The following CNTNAP2 variants were observed in gnomAD, a reference collection of about 807,000 sequenced individuals.
CNTNAP2 encodes contactin associated protein 2.
CNTNAP2 carries 98 observed loss-of-function variants against 155.2 expected under a neutral mutation model. That is an observed-to-expected ratio of 0.63 (90% CI 0.54 to 0.75). The LOEUF (loss-of-function observed/expected upper bound fraction) is 0.75, where lower values mean the gene tolerates loss of function less well. CNTNAP2 is among the 30% of genes least tolerant of loss of function. CNTNAP2 has a pLI of 0.00. For missense variants in CNTNAP2, 1,727 were observed against 1,688.1 expected, an observed-to-expected ratio of 1.02 and a Z score of -0.40; for synonymous variants, 651 against 631.2, an observed-to-expected ratio of 1.03 and a Z score of -0.47.
intron 1 of CNTNAP2, among the ~76,000 whole-genome samples, chr7:146,220,522 A>C (rs1799189919): frequency 6.6e-6 from 1 of 152,194 alleles, no homozygotes; most frequent in African/African-American, 2.4e-5. Flanking sequence ...AAATTGTACT[A>C]GTATAGAAAG....
intron 12 of CNTNAP2, among the ~76,000 whole-genome samples, chr7:147,607,929 G>T (rs1305309688): frequency 6.6e-6 from 1 of 152,060 alleles, no homozygotes; most frequent in Non-Finnish European, 1.5e-5. Flanking sequence ...TTATTTATAT[G>T]CTGCCTCTCA....
At chr7:147,061,274 T>A (rs570558085) in intron 4 of CNTNAP2, among the ~76,000 whole-genome samples, 1 of 152,164 alleles carries the variant, frequency 6.6e-6, no homozygotes, top group South Asian at 2.1e-4. Flanking sequence ...TCATGTGTTT[T>A]TACCATTGTA....
chr7:148,066,029 C>G (rs889723416), intron 15 of CNTNAP2, among the ~76,000 whole-genome samples: 2 of 152,120 alleles, frequency 1.3e-5, no homozygotes, highest in Non-Finnish European at 2.9e-5. Flanking sequence ...GACCATCTTT[C>G]TTTCATTTGT....
chr7:147,475,917 C>T (rs1448516161), intron 10 of CNTNAP2, among the ~76,000 whole-genome samples: 1 of 151,978 alleles, frequency 6.6e-6, no homozygotes, highest in Non-Finnish European at 1.5e-5. Flanking sequence ...TTGTATAAGT[C>T]TTTGTATTTA....
At chr7:146,247,820 TG>T (rs1799687067) in intron 1 of CNTNAP2, among the ~76,000 whole-genome samples, 1 of 151,940 alleles carries the variant, frequency 6.6e-6, no homozygotes, top group Admixed American at 6.6e-5. Flanking sequence ...GAAGGAGGAA[TG>T]GAGGGTGGAT....
intron 1 of CNTNAP2, among the ~76,000 whole-genome samples, chr7:146,271,979 T>C (rs1800089391): frequency 6.6e-6 from 1 of 152,174 alleles, no homozygotes; most frequent in South Asian, 2.1e-4. Context: ...TACCAATAAA[T>C]TCATGAAAAC....
chr7:147,966,495 T>C (rs537859476), intron 14 of CNTNAP2, among the ~76,000 whole-genome samples: 157 of 152,238 alleles, frequency 1.0e-3, no homozygotes, highest in African/African-American at 3.5e-3. Context: ...AATTTTTATA[T>C]ATCCAAACAG....
intron 8 of CNTNAP2, among the ~76,000 whole-genome samples, chr7:147,173,536 A>G (rs4725705): frequency 0.41 from 61,646 of 152,012 alleles, 13,482 homozygotes; most frequent in East Asian, 0.65. Flanking sequence ...TTGCTACCAG[A>G]AAGAGACCCA....
chr7:146,526,399 T>C (rs1797692173), intron 1 of CNTNAP2, among the ~76,000 whole-genome samples: 1 of 152,138 alleles, frequency 6.6e-6, no homozygotes, highest in South Asian at 2.1e-4. Flanking sequence ...TAGGGAGGAC[T>C]CAGGAAGTTT....
At chr7:147,788,749 C>G (rs905912116) in intron 13 of CNTNAP2, among the ~76,000 whole-genome samples, 1 of 152,100 alleles carries the variant, frequency 6.6e-6, no homozygotes, top group Admixed American at 6.5e-5. Flanking sequence ...TCCAACCCCC[C>G]TCATCATCTT....
chr7:147,572,691 C>G (rs990685265), intron 12 of CNTNAP2, among the ~76,000 whole-genome samples: 9 of 143,396 alleles, frequency 6.3e-5, no homozygotes, highest in Non-Finnish European at 1.1e-4. Flanking sequence ...ACTATTCAAA[C>G]AGGATGGGAA....
At chr7:147,859,488 G>C (rs893975259) in intron 13 of CNTNAP2, among the ~76,000 whole-genome samples, 12 of 150,628 alleles carry the variant, frequency 8.0e-5, no homozygotes, top group African/African-American at 2.9e-4. Context: ...TTTGTAAGCT[G>C]TCTCACAAGA....
chr7:147,048,902 T>C (rs1256684169), intron 4 of CNTNAP2, among the ~76,000 whole-genome samples: 1 of 152,202 alleles, frequency 6.6e-6, no homozygotes, highest in African/African-American at 2.4e-5. Context: ...TTAATCATCC[T>C]GAAAACTGTC....
Position 146,773,391 on chromosome 7 carries a change from GTTCT to G in CNTNAP2, c.98-869_98-866del, listed in dbSNP as rs1402919374. Among the ~76,000 whole-genome samples the G allele has an allele frequency of 1.2e-4, 18 of 152,110 alleles. No individual in the cohort carries two copies. In the South Asian group the frequency reaches 3.5e-3, roughly 30 times the overall value. ...TTCTGTCTTTACTTGCTGATGTCTAGTTCTTTCTTTCTTTGATTTTTGAGACGGA... is the reference window on the plus strand; with the variant it reads ...TTCTGTCTTTACTTGCTGATGTCTAGTTCTTTCTTTGATTTTTGAGACGGA... On this transcript the variant is annotated intron_variant, in intron 1 of 23. Coordinates refer to ENST00000361727, the MANE Select transcript of CNTNAP2 (RefSeq NM_014141.6).
At chr7:148,396,560 A>G (rs1436092721) in intron 22 of CNTNAP2, among the ~76,000 whole-genome samples, 1 of 152,242 alleles carries the variant, frequency 6.6e-6, no homozygotes, top group Non-Finnish European at 1.5e-5. Flanking sequence ...TCTGCTGGCC[A>G]ATCAGCACCT....
At chr7:146,967,759 G>A (rs1797687246) in intron 3 of CNTNAP2, among the ~76,000 whole-genome samples, 1 of 151,968 alleles carries the variant, frequency 6.6e-6, no homozygotes, top group Non-Finnish European at 1.5e-5. Flanking sequence ...CTGCAAACAG[G>A]GACAATTTAA....
chr7:147,971,792 G>T (rs566598735), intron 14 of CNTNAP2, among the ~76,000 whole-genome samples: 4 of 152,154 alleles, frequency 2.6e-5, no homozygotes, highest in Non-Finnish European at 4.4e-5. Context: ...ATGCTTTCAT[G>T]TCTCTTGTAT....
At chr7:146,656,066 G>T (rs769573266) in intron 1 of CNTNAP2, among the ~76,000 whole-genome samples, 3 of 152,208 alleles carry the variant, frequency 2.0e-5, no homozygotes, top group Non-Finnish European at 2.9e-5. Context: ...TCAAAAATTT[G>T]TAATTTACTA....
intron 13 of CNTNAP2, among the ~76,000 whole-genome samples, chr7:147,815,450 T>C (rs1022998459): frequency 6.6e-6 from 1 of 151,898 alleles, no homozygotes; most frequent in East Asian, 1.9e-4. Context: ...AGTTCTTGCA[T>C]GTGGGCCCCG....
Sources: allele counts gnomAD v4.1 joint callset (sites outside exome capture counted in the v4.1 genomes callset), GRCh38; gene constraint gnomAD v4.1.1; transcripts MANE v1.5; gene names NCBI Gene and HGNC (gene_info 2026-07-23, HGNC 2026-07-21).